Variants in ZNF532 observed in about 807,000 individuals in gnomAD.
ZNF532 encodes zinc finger protein 532.
Under a neutral mutation model 89.3 loss-of-function variants are expected in ZNF532, and 22 were observed. The ratio of observed to expected loss-of-function variants is 0.25; its 90% CI spans 0.18 to 0.35. ZNF532 has a LOEUF of 0.35. ZNF532 is among the 10% of genes least tolerant of loss of function. The pLI is 1.00. For synonymous variants in ZNF532, 606 were observed against 649.6 expected, an observed-to-expected ratio of 0.93 and a Z score of 1.02; for missense variants, 1,132 against 1,643.4, an observed-to-expected ratio of 0.69 and a Z score of 5.38.
Position 58,919,037 on chromosome 18 carries a change from C to A in ZNF532, c.750C>A (p.Asp250Glu), listed in dbSNP as rs1201178869. 1.2e-6 allele frequency: 2 copies of A among 1,613,778 alleles called. No homozygotes were observed. Among genetic ancestry groups the A allele is most frequent in the Non-Finnish European group, 1.7e-6 (2 of 1,180,034 alleles). Residue 250 changes from aspartate (D) to glutamate (E), a missense_variant, in exon 3 of 10, where the codon GAC (aspartate) becomes GAA (glutamate). Physicochemically the swap from Asp to Glu is conservative, Grantham distance 45. Coordinates refer to ENST00000591808, the MANE Select transcript of ZNF532 (RefSeq NM_001375912.1). This position sits in a 1 kb window ranked among gnomAD's most constrained non-coding sequence, Gnocchi z 6.1. ...GGAAGCTGAGCTCCGAGAAGAATGACACCAGCCTCCCCAGCGTTGCGCCAT... is the reference window on the plus strand; with the variant it reads ...GGAAGCTGAGCTCCGAGAAGAATGAAACCAGCCTCCCCAGCGTTGCGCCAT... ...LDGKLSSEKN[D>E]TSLPSVAPSK... is the part of the protein sequence containing the mutation.
intron 2 of ZNF532, among the ~76,000 whole-genome samples, chr18:58,870,444 G>A (rs1440307299): frequency 6.6e-6 from 1 of 152,176 alleles, no homozygotes; most frequent in Non-Finnish European, 1.5e-5. Context: ...CACGTGGAAA[G>A]GTCTGGGGAG....
intron 8 of ZNF532, 161 bp downstream of exon 8, chr18:58,979,328 C>A (rs2067428434): frequency 4.4e-6 from 2 of 453,686 alleles, no homozygotes; most frequent in Non-Finnish European, 7.9e-6. Context: ...ATTGGGTTGT[C>A]ACACTTAAAT....
chr18:58,966,164 A>G (rs905822793), intron 7 of ZNF532, among the ~76,000 whole-genome samples: 4 of 152,030 alleles, frequency 2.6e-5, no homozygotes, highest in Non-Finnish European at 5.9e-5. Flanking sequence ...TCTGCTGTAA[A>G]GGGATTAAGC....
At chr18:58,963,603 A>ATGTGTGTG (rs60644289) in intron 7 of ZNF532, among the ~76,000 whole-genome samples, 363 of 143,862 alleles carry the variant, frequency 2.5e-3, no homozygotes, top group Middle Eastern at 0.014. Context: ...AAAGAAAAAA[A>ATGTGTGTG]TGTGTGTGTG....
chr18:58,870,040 A>G (rs1374678775), intron 2 of ZNF532, among the ~76,000 whole-genome samples: 2 of 146,740 alleles, frequency 1.4e-5, no homozygotes, highest in Non-Finnish European at 3.0e-5. Flanking sequence ...TGCTGGGATT[A>G]CAGGTGTGAG....
chr18:58,939,246 CAAAAAAAAAAAAAAAAAA>C (rs71336307), intron 4 of ZNF532, among the ~76,000 whole-genome samples, 181 bp from the exon 5 acceptor site: 1 of 34,502 alleles, frequency 2.9e-5, no homozygotes, highest in Non-Finnish European at 6.3e-5. Flanking sequence ...GACGTTGTCT[CAAAAAAAAAAAAAAAAAA>C]AAAAAAAAAA....
intron 2 of ZNF532, among the ~76,000 whole-genome samples, chr18:58,874,328 T>C (rs1160066086): frequency 1.3e-5 from 2 of 151,192 alleles, no homozygotes; most frequent in Non-Finnish European, 2.9e-5. Context: ...AATTTTGTAT[T>C]TATTTATTTA....
At chr18:58,975,279 C>T (rs936871029) in intron 7 of ZNF532, among the ~76,000 whole-genome samples, 3 of 152,106 alleles carry the variant, frequency 2.0e-5, no homozygotes, top group East Asian at 1.9e-4. Flanking sequence ...GCATGGTGGT[C>T]GTTAAGGAGG....
intron 2 of ZNF532, among the ~76,000 whole-genome samples, chr18:58,872,125 C>CT (rs971727719): frequency 1.3e-5 from 2 of 152,254 alleles, no homozygotes; most frequent in African/African-American, 4.8e-5. Context: ...CGCAGAGCGG[C>CT]TTTTTTAGCT....
chr18:58,939,246 C>CAAAAAAATAAAAA (rs2062749774), intron 4 of ZNF532, among the ~76,000 whole-genome samples, 199 bp from the exon 5 acceptor site: 1 of 34,502 alleles, frequency 2.9e-5, no homozygotes, highest in Admixed American at 3.7e-4. Context: ...GACGTTGTCT[C>CAAAAAAATAAAAA]AAAAAAAAAA....
intron 5 of ZNF532, among the ~76,000 whole-genome samples, chr18:58,942,499 T>C (rs968298315): frequency 6.6e-6 from 1 of 151,580 alleles, no homozygotes; most frequent in Non-Finnish European, 1.5e-5. Flanking sequence ...CCAAAGCCAG[T>C]GAAAGATAAG....
chr18:58,920,746 GT>G (rs2060990883), intron 3 of ZNF532, 113 bp downstream of exon 3: 1 of 257,576 alleles, frequency 3.9e-6, no homozygotes, highest in Non-Finnish European at 6.0e-6. Context: ...GTGTGTGTGT[GT>G]GTGTGTGTGT....
rs2059206714 is a variant in ZNF532 at position 58,895,789 on chromosome 18, G to C, written c.-17-22482G>C. ...TATTTATCAGCCCATTTCCCTAAAG[G>C]TGTCATAAGGGGTGCCAGACATTAG... On this transcript the variant is annotated intron_variant, in intron 2 of 9. Coordinates refer to ENST00000591808, the MANE Select transcript of ZNF532 (RefSeq NM_001375912.1). 3.3e-5 allele frequency among the ~76,000 whole-genome samples: 5 copies of C among 151,940 alleles called. No individual in the cohort carries two copies. The South Asian group carries it at 1.0e-3, about 31-fold the overall frequency.
chr18:58,875,034 T>C (rs770419418), intron 2 of ZNF532, among the ~76,000 whole-genome samples: 5 of 152,140 alleles, frequency 3.3e-5, no homozygotes, highest in Non-Finnish European at 5.9e-5. Context: ...AAATAAGCTG[T>C]AAGTATAAGA....
In ZNF532 at chr18:58,979,099, C is replaced by T. The variant is rs1171979546; in HGVS notation, c.3195C>T (p.Ser1065=). 2 of 1,613,168 alleles carry T rather than the reference C, an allele frequency of 1.2e-6. No homozygotes were observed. The highest frequency in any genetic ancestry group is 3.3e-5 in the Admixed American group (2 of 60,008). ...GCCGCCAGTGTGACAAGTCTTTCAG[C>T]TCGTCCCACAGCCTGTGCCGGCACA... is the stretch of plus-strand genomic sequence containing the variant. ...HPCRQCDKSF[S]SSHSLCRHNR... Residue 1065 remains serine, a synonymous_variant, in exon 8 of 10, where the codon AGC becomes AGT. Transcript: ENST00000591808.
chr18:58,876,420 A>G (rs1399512685), intron 2 of ZNF532, among the ~76,000 whole-genome samples: 2 of 152,070 alleles, frequency 1.3e-5, no homozygotes, highest in Non-Finnish European at 1.5e-5. Context: ...TTCCAAAGCG[A>G]TAAGATTCTC....
chr18:58,934,686 GCA>G (rs2062227027), intron 4 of ZNF532, 72 bp downstream of exon 4: 12 of 1,464,396 alleles, frequency 8.2e-6, no homozygotes, highest in East Asian at 2.3e-5. Flanking sequence ...TGAGTGGTTT[GCA>G]CACACAGTTT....
chr18:58,956,737 G>T (rs534443086), intron 7 of ZNF532, among the ~76,000 whole-genome samples: 4 of 152,108 alleles, frequency 2.6e-5, no homozygotes, highest in Admixed American at 1.3e-4. Context: ...ATGTGTTCCT[G>T]TCTTTACCTC....
At chr18:58,913,622 G>A (rs932372890) in intron 2 of ZNF532, among the ~76,000 whole-genome samples, 16 of 151,356 alleles carry the variant, frequency 1.1e-4, no homozygotes, top group African/African-American at 2.9e-4. Context: ...ATATATAAAA[G>A]AATTATTTTT....
Sources: gnomAD v4.1 joint callset for allele counts (sites outside exome capture counted in the v4.1 genomes callset) on GRCh38, gnomAD v4.1.1 for gene constraint, Gnocchi (gnomAD v3.1) non-coding constraint, MANE v1.5 for transcripts, NCBI Gene and HGNC (gene_info 2026-07-23, HGNC 2026-07-21) for gene names.